Variants in PACRG observed in about 807,000 individuals in gnomAD.
PACRG encodes parkin coregulated.
A neutral mutation model predicts 29.7 loss-of-function variants in PACRG; 29 were observed. The observed-to-expected ratio is 0.98, with a 90% CI of 0.73 to 1.33. The LOEUF is 1.33. PACRG is among the 40% of genes most tolerant of loss of function. The pLI is 0.00. For synonymous variants in PACRG, 116 were observed against 118.7 expected (o/e 0.98, Z 0.15); for missense variants, 279 against 316.2 (o/e 0.88, Z 0.89).
intron 2 of PACRG, among the ~76,000 whole-genome samples, chr6:163,059,321 T>C (rs1322338580): frequency 6.6e-6 from 1 of 152,204 alleles, no homozygotes; most frequent in African/African-American, 2.4e-5. Context: ...ATTATGCAGG[T>C]ACTCAGTATT....
At chr6:163,198,979 A>G (rs1045129578) in intron 4 of PACRG, among the ~76,000 whole-genome samples, 3 of 152,154 alleles carry the variant, frequency 2.0e-5, no homozygotes, top group Non-Finnish European at 4.4e-5. Context: ...GATGAAATGA[A>G]AGGTTACATT....
chr6:162,983,428 G>T (rs75334701), intron 2 of PACRG, among the ~76,000 whole-genome samples: 2 of 151,842 alleles, frequency 1.3e-5, no homozygotes, highest in African/African-American at 4.8e-5. Context: ...GCTTCAGGAG[G>T]TTCTATTTTG....
At chr6:163,285,181 C>T (rs13200025) in intron 4 of PACRG, among the ~76,000 whole-genome samples, 75,082 of 151,288 alleles carry the variant, frequency 0.5, 18,792 homozygotes, top group Middle Eastern at 0.58. Flanking sequence ...AGACACCCCT[C>T]TCCCCACCCC....
intron 4 of PACRG, among the ~76,000 whole-genome samples, chr6:163,187,291 G>A (rs947874360): frequency 1.2e-4 from 19 of 152,092 alleles, no homozygotes; most frequent in Admixed American, 3.3e-4. Context: ...GAACCTCAGT[G>A]TCACCTTGGA....
chr6:163,113,127 A>G (rs1338874280), intron 4 of PACRG, among the ~76,000 whole-genome samples: 1 of 152,228 alleles, frequency 6.6e-6, no homozygotes, highest in Admixed American at 6.5e-5. Flanking sequence ...ATCAGGATAC[A>G]AAAGCATGTT....
chr6:163,104,840 A>G (rs992922359), intron 4 of PACRG, among the ~76,000 whole-genome samples: 2 of 152,220 alleles, frequency 1.3e-5, no homozygotes, highest in African/African-American at 4.8e-5. Context: ...TGCTCTTGCC[A>G]TGTATACTTC....
At chr6:163,031,528 CA>C (rs1807662378) in intron 2 of PACRG, among the ~76,000 whole-genome samples, 1 of 152,234 alleles carries the variant, frequency 6.6e-6, no homozygotes, top group Non-Finnish European at 1.5e-5. Flanking sequence ...GTTCTTACAA[CA>C]TAACTTTTTT....
At chr6:162,968,261 T>C (rs545530881) in intron 2 of PACRG, among the ~76,000 whole-genome samples, 1 of 152,352 alleles carries the variant, frequency 6.6e-6, no homozygotes, top group South Asian at 2.1e-4. Flanking sequence ...GGTTTTACCT[T>C]CAGAAAATAG....
chr6:162,986,664 G>A (rs1000192445), intron 2 of PACRG, among the ~76,000 whole-genome samples: 3 of 152,138 alleles, frequency 2.0e-5, no homozygotes, highest in Non-Finnish European at 2.9e-5. Flanking sequence ...AAGACTTCAT[G>A]ACCAAGAACC....
intron 2 of PACRG, among the ~76,000 whole-genome samples, chr6:162,981,305 A>ATATATTTTTTTTTTTT (rs925663285): frequency 6.7e-6 from 1 of 149,132 alleles, no homozygotes; most frequent in African/African-American, 2.5e-5. Context: ...ATATATATAT[A>ATATATTTTTTTTTTTT]TTTACAATGG....
intron 4 of PACRG, among the ~76,000 whole-genome samples, chr6:163,213,006 C>T (rs1781215669): frequency 6.6e-6 from 1 of 152,134 alleles, no homozygotes; most frequent in Non-Finnish European, 1.5e-5. Context: ...TCTTGATCTC[C>T]TGACCTCGTG....
chr6:163,264,111 G>A (rs78569681), intron 4 of PACRG, among the ~76,000 whole-genome samples: 1 of 152,192 alleles, frequency 6.6e-6, no homozygotes, highest in African/African-American at 2.4e-5. Context: ...GACAGTGCAA[G>A]ATGCAAACTC....
intron 4 of PACRG, among the ~76,000 whole-genome samples, chr6:163,114,024 C>A (rs1815850630): frequency 6.6e-6 from 1 of 152,110 alleles, no homozygotes. Context: ...CCGAGGTGGG[C>A]AGATTATTTG....
intron 4 of PACRG, among the ~76,000 whole-genome samples, chr6:163,269,967 GAA>G (rs371798487): frequency 1.8e-5 from 1 of 56,118 alleles, no homozygotes; most frequent in Non-Finnish European, 3.6e-5. Context: ...AAGAAAGAAA[GAA>G]AGAAAGAAAG....
intron 2 of PACRG, among the ~76,000 whole-genome samples, chr6:162,970,928 TG>T (rs1801478321): frequency 6.6e-6 from 1 of 152,212 alleles, no homozygotes; most frequent in African/African-American, 2.4e-5. Flanking sequence ...TCAGTGGCCA[TG>T]GGTTGTGTAA....
At chr6:162,981,305 A>ATATATATATATATATACATATATATT (rs925663285) in intron 2 of PACRG, among the ~76,000 whole-genome samples, 18 of 149,158 alleles carry the variant, frequency 1.2e-4, no homozygotes, top group Admixed American at 5.4e-4. Flanking sequence ...ATATATATAT[A>ATATATATATATATATACATATATATT]TTTACAATGG....
At chr6:163,071,069 G>A (rs1812000202) in intron 3 of PACRG, among the ~76,000 whole-genome samples, 1 of 152,054 alleles carries the variant, frequency 6.6e-6, no homozygotes, top group Non-Finnish European at 1.5e-5. Context: ...GAGCTAAAGA[G>A]AGAGACAGAC....
intron 2 of PACRG, among the ~76,000 whole-genome samples, chr6:163,027,728 C>G (rs1040690296): frequency 1.3e-5 from 2 of 152,190 alleles, no homozygotes; most frequent in African/African-American, 4.8e-5. Context: ...TATAAAGGCT[C>G]TTTTGCAGCT....
intron 4 of PACRG, among the ~76,000 whole-genome samples, chr6:163,117,260 C>T (rs1235368200): frequency 6.6e-6 from 1 of 152,168 alleles, no homozygotes; most frequent in Admixed American, 6.5e-5. Context: ...TTGGTGCCAG[C>T]AACAAGTACA....
Sources: allele counts gnomAD v4.1 joint callset (sites outside exome capture counted in the v4.1 genomes callset), GRCh38; gene constraint gnomAD v4.1.1; transcripts MANE v1.5; gene names NCBI Gene and HGNC (gene_info 2026-07-23, HGNC 2026-07-21).